PHKB: variants seen among roughly 807,000 people sequenced by gnomAD.
PHKB encodes the protein phosphorylase b kinase regulatory subunit beta.
A neutral mutation model predicts 152.1 loss-of-function variants in PHKB; 122 were observed. The ratio of observed to expected loss-of-function variants is 0.80; its 90% CI spans 0.69 to 0.93. PHKB has a LOEUF of 0.93. PHKB is among the 40% of genes least tolerant of loss of function. The pLI is 0.00. For synonymous variants in PHKB, 436 were observed against 464.9 expected (o/e 0.94, Z 0.80); for missense variants, 1,304 against 1,328.4 (o/e 0.98, Z 0.29).
chr16:47,691,351 T>C (rs1302688972), intron 27 of PHKB, among the ~76,000 whole-genome samples: 1 of 152,198 alleles, frequency 6.6e-6, no homozygotes, highest in Non-Finnish European at 1.5e-5. Flanking sequence ...CATAGATTAA[T>C]TAATAGTATT....
chr16:47,461,562 G>GC, intron 1 of PHKB, 136 bp downstream of exon 1: 1 of 879,198 alleles, frequency 1.1e-6, no homozygotes, highest in Non-Finnish European at 1.8e-6. Context: ...GCAGGTGGCG[G>GC]CCCTGGCCTT....
intron 14 of PHKB, among the ~76,000 whole-genome samples, chr16:47,611,964 C>T (rs967215125): frequency 1.3e-5 from 2 of 152,286 alleles, no homozygotes; most frequent in South Asian, 4.1e-4. Context: ...AGTTACCGCT[C>T]ATGTTGGTAC....
chr16:47,522,831 AT>A (rs1336724263), intron 6 of PHKB, among the ~76,000 whole-genome samples: 3 of 151,898 alleles, frequency 2.0e-5, no homozygotes, highest in African/African-American at 7.2e-5. Flanking sequence ...ATTTTCACAT[AT>A]TTGTGAATTT....
At chr16:47,607,176 A>G (rs1160786347) in intron 13 of PHKB, among the ~76,000 whole-genome samples, 2 of 152,172 alleles carry the variant, frequency 1.3e-5, no homozygotes, top group African/African-American at 4.8e-5. Context: ...TGTGATTTAC[A>G]TACCATATAT....
chr16:47,472,688 A>G lies in PHKB; in HGVS notation c.76+11262A>G, dbSNP rs181178119. Among the ~76,000 whole-genome samples, 393 of 152,264 alleles carry G rather than the reference A, an allele frequency of 2.6e-3. 3 individuals are homozygous for G. Among genetic ancestry groups the G allele is most frequent in the African/African-American group, 9.0e-3 (374 of 41,566 alleles). ...ATCCCAACTACTCGGGAGGCCGGGC[A>G]GGAGAATGGCGTGAACCCAGGAGGC... On this transcript the variant is annotated intron_variant, in intron 1 of 30. Transcript: ENST00000323584.
At chr16:47,594,239 C>T (rs1038649854) in intron 12 of PHKB, 25 bp downstream of exon 12, 10 of 1,151,698 alleles carry the variant, frequency 8.7e-6, no homozygotes, top group Non-Finnish European at 1.3e-5. Context: ...TTAAGAAATT[C>T]TTCCTACCAA....
chr16:47,491,017 A>C (rs537712277), intron 1 of PHKB, among the ~76,000 whole-genome samples: 2 of 152,346 alleles, frequency 1.3e-5, no homozygotes, highest in East Asian at 3.9e-4. Flanking sequence ...CTTTCATTAA[A>C]AACACATTTT....
chr16:47,519,366 G>A (rs1350753309), intron 6 of PHKB, among the ~76,000 whole-genome samples: 1 of 152,192 alleles, frequency 6.6e-6, no homozygotes, highest in Non-Finnish European at 1.5e-5. Context: ...CATGGGTCAG[G>A]AAATATGGGA....
At chr16:47,512,764 A>G (rs1303287948) in intron 5 of PHKB, among the ~76,000 whole-genome samples, 2 of 152,132 alleles carry the variant, frequency 1.3e-5, no homozygotes, top group African/African-American at 2.4e-5. Context: ...TTTATGTTTA[A>G]TTGATTTTCT....
At chr16:47,570,644 T>A (rs1174053608) in intron 7 of PHKB, among the ~76,000 whole-genome samples, 1 of 151,972 alleles carries the variant, frequency 6.6e-6, no homozygotes, top group African/African-American at 2.4e-5. Context: ...GTTTTTTTTT[T>A]AATATCGACC....
At chr16:47,528,987 C>T (rs113241052) in intron 6 of PHKB, among the ~76,000 whole-genome samples, 59 of 152,164 alleles carry the variant, frequency 3.9e-4, no homozygotes, top group African/African-American at 1.3e-3. Flanking sequence ...AGGAACCATG[C>T]CTGGCCAGGA....
intron 28 of PHKB, among the ~76,000 whole-genome samples, chr16:47,693,723 G>T (rs545055705): frequency 5.9e-5 from 9 of 152,200 alleles, no homozygotes; most frequent in Non-Finnish European, 1.2e-4. Flanking sequence ...TAGTGTCCCT[G>T]TAGGCAGAAA....
chr16:47,570,371 G>A (rs1372841153), intron 7 of PHKB, among the ~76,000 whole-genome samples: 4 of 152,094 alleles, frequency 2.6e-5, no homozygotes, highest in Non-Finnish European at 5.9e-5. Context: ...CCTTGAAGTA[G>A]GTTTTCTAAA....
intron 2 of PHKB, among the ~76,000 whole-genome samples, chr16:47,498,551 C>T (rs559135349): frequency 6.6e-6 from 1 of 152,246 alleles, no homozygotes; most frequent in South Asian, 2.1e-4. Flanking sequence ...TGGTGCACTC[C>T]TGTGATCCCA....
intron 7 of PHKB, among the ~76,000 whole-genome samples, chr16:47,560,812 C>T (rs1397802103): frequency 1.3e-5 from 2 of 151,940 alleles, no homozygotes; most frequent in Admixed American, 6.6e-5. Flanking sequence ...GTATAGAATT[C>T]TTTTTTACTC....
chr16:47,480,409 C>T (rs1055129923), intron 1 of PHKB, among the ~76,000 whole-genome samples: 32 of 152,168 alleles, frequency 2.1e-4, no homozygotes, highest in African/African-American at 7.7e-4. Context: ...TAAAAGAGAA[C>T]AATAGTATTA....
chr16:47,589,300 C>T (rs148149853), intron 10 of PHKB, among the ~76,000 whole-genome samples, 198 bp downstream of exon 10: 350 of 152,198 alleles, frequency 2.3e-3, no homozygotes, highest in Middle Eastern at 0.014. Context: ...GTTCTTATGA[C>T]GATTAAATAA....
intron 7 of PHKB, among the ~76,000 whole-genome samples, chr16:47,579,787 A>G (rs1048973859): frequency 6.6e-6 from 1 of 152,146 alleles, no homozygotes; most frequent in African/African-American, 2.4e-5. Context: ...TTGTTCTGTG[A>G]GCATAAAATA....
At chr16:47,559,691 T>C (rs1971443264) in intron 7 of PHKB, among the ~76,000 whole-genome samples, 1 of 151,988 alleles carries the variant, frequency 6.6e-6, no homozygotes, top group Non-Finnish European at 1.5e-5. Flanking sequence ...AGGCAGAGAG[T>C]TAGGTGGGAG....
Sources: gnomAD v4.1 joint callset for allele counts (sites outside exome capture counted in the v4.1 genomes callset) on GRCh38, gnomAD v4.1.1 for gene constraint, MANE v1.5 for transcripts, NCBI Gene and HGNC (gene_info 2026-07-23, HGNC 2026-07-21) for gene names.